Variants in AJUBA observed in about 807,000 individuals in gnomAD.
AJUBA encodes LIM domain-containing protein ajuba.
In AJUBA, 20 loss-of-function variants were observed where a neutral mutation model predicts 53.3. That is an observed-to-expected ratio of 0.38 (90% CI 0.26 to 0.55). AJUBA has a LOEUF of 0.55. AJUBA is among the 20% of genes least tolerant of loss of function. The pLI, the probability that AJUBA is intolerant of heterozygous loss-of-function variation, is 0.80. For missense variants in AJUBA, 580 were observed against 730.5 expected (o/e 0.79, Z 2.38); for synonymous variants, 296 against 306.2 (o/e 0.97, Z 0.35).
intron 6 of AJUBA, chr14:22,974,570 A>C (rs113530012): frequency 1.2e-5 from 6 of 489,960 alleles, no homozygotes; most frequent in African/African-American, 1.2e-4. Context: ...CTACATCTGC[A>C]GTCTGGTGAC....
rs1566656499 is a variant in AJUBA at position 22,978,419 on chromosome 14, T to C, written c.1033A>G (p.Ile345Val). The C allele has an allele frequency of 1.2e-6, 2 of 1,613,448 alleles. No homozygotes were observed. The highest frequency in any genetic ancestry group is 3.3e-4 in the Middle Eastern group (2 of 6,056). Residue 345 changes from isoleucine (I) to valine (V), a missense_variant, in exon 2 of 8, where the codon ATC becomes GTC. Physicochemically the swap from Ile to Val is conservative, Grantham distance 29. Around this residue, in one of 2 missense-constraint regions of AJUBA, gnomAD observed 150 missense variants for 259.0 expected, o/e 0.58. Coordinates refer to ENST00000262713, the MANE Select transcript of AJUBA (RefSeq NM_032876.6). ...FGTCIKCNKGIYGQSNACQAL... is the reference protein window; with the variant it reads ...FGTCIKCNKGVYGQSNACQAL... ...TGGCAGGCATTGCTCTGCCCATAGA[T>C]GCCTTTGTTGCACTTGATACAGGTG...
chr14:22,975,443 G>C (rs983357123), intron 4 of AJUBA: 2 of 232,372 alleles, frequency 8.6e-6, no homozygotes, highest in African/African-American at 4.5e-5. Flanking sequence ...TTGTTTTTTA[G>C]TTCTTCCCAG....
intron 3 of AJUBA, 49 bp downstream of exon 3, chr14:22,976,596 A>T (rs2045038949): frequency 1.9e-6 from 3 of 1,612,904 alleles, no homozygotes; most frequent in Non-Finnish European, 2.5e-6. Context: ...GCCACCAAGA[A>T]GGGGGTCAGT....
In AJUBA at chr14:22,981,562, C is replaced by T; in HGVS notation, c.705G>A (p.Leu235=). Residue 235 remains leucine, a synonymous_variant, in exon 1 of 8, where the codon CTG becomes CTA. Coordinates refer to ENST00000262713, the MANE Select transcript of AJUBA (RefSeq NM_032876.6). ...CCCCGGCTAGAGCTCCAGGGCTGCCCAGGGCCGGGGGATACGAGTGGCGGC... is the reference window on the plus strand; with the variant it reads ...CCCCGGCTAGAGCTCCAGGGCTGCCTAGGGCCGGGGGATACGAGTGGCGGC... The part of the protein sequence containing the change: ...QESRHSYPPA[L]GSPGALAGAG... 6.3e-7 allele frequency: 1 copy of T among 1,576,966 alleles called. No individual in the cohort carries two copies. The highest frequency in any genetic ancestry group is 8.6e-7 in the Non-Finnish European group (1 of 1,165,818).
At chr14:22,978,797 A>G in intron 1 of AJUBA, 1 of 1,208,430 alleles carries the variant, frequency 8.3e-7, no homozygotes, top group Non-Finnish European at 1.1e-6. Context: ...TCTCTGTTGC[A>G]GTGTGTAGGA....
At position 22,981,660 on chromosome 14, in the gene AJUBA, C is replaced by A; in HGVS notation, c.607G>T (p.Ala203Ser). Residue 203 changes from alanine to serine, a missense_variant, in exon 1 of 8, where the codon GCC becomes TCC. Around this residue, in one of 2 missense-constraint regions of AJUBA, gnomAD observed 430 missense variants for 471.5 expected, o/e 0.91. Transcript: ENST00000262713. Reference sequence around the variant, plus strand: ...AGGGCGGCGTGGAGCTCCGGGTAGGCGGACGGGACCCCTCCGGGAGAATAG... The same window carrying A: ...AGGGCGGCGTGGAGCTCCGGGTAGGAGGACGGGACCCCTCCGGGAGAATAG... ...AGYSPGGVPS[A>S]YPELHAALDR... 1 of 1,511,744 alleles carries A rather than the reference C, an allele frequency of 6.6e-7. No individual in the cohort carries two copies. The highest frequency in any genetic ancestry group is 2.4e-5 in the East Asian group (1 of 40,910). The allele number at this position is 1,511,744 out of a possible 1,614,324, so 93.6% of individuals were successfully genotyped here. A position where few individuals can be genotyped will look rare whatever the true frequency, so the allele number is the denominator to read the frequency against.
chr14:22,980,840 T>G (rs2045081787), intron 1 of AJUBA, among the ~76,000 whole-genome samples: 1 of 151,282 alleles, frequency 6.6e-6, no homozygotes, highest in Admixed American at 6.6e-5. Flanking sequence ...CACCCGCGCA[T>G]TCTCCGAATT....
Position 22,979,264 on chromosome 14 carries a change from A to G in AJUBA, c.1007-819T>C, listed in dbSNP as rs1279462172. ...TGTTCTTCCCTCCCTCCACTCCCCA[A>G]TTCCAGGCCCATGAGTGAGGGCTAG... is the stretch of plus-strand genomic sequence containing the variant. On this transcript the variant is annotated intron_variant, in intron 1 of 7. Transcript: ENST00000262713. The surrounding 1 kb of genome is among the most constrained non-coding windows in gnomAD (Gnocchi z 4.0). 7.6e-6 allele frequency: 4 copies of G among 522,896 alleles called. No individual in the cohort carries two copies. The highest frequency in any genetic ancestry group is 9.8e-6 in the Non-Finnish European group (4 of 407,626). 32.4% of individuals were successfully genotyped at this position (522,896 alleles called of 1,614,324 possible).
Position 22,974,047 on chromosome 14 carries a change from C to A in AJUBA, c.1491G>T (p.Glu497Asp). 6.2e-7 allele frequency: 1 copy of A among 1,614,162 alleles called. No homozygotes were observed. The highest frequency in any genetic ancestry group is 1.1e-5 in the South Asian group (1 of 91,082). The change falls in exon 7 of 8, where the codon GAG becomes GAT. Residue 497 changes from glutamate to aspartate, a missense_variant and splice_region_variant. By Grantham distance (45) the Glu-to-Asp change is conservative (BLOSUM62 2). Around this residue, in one of 2 missense-constraint regions of AJUBA, gnomAD observed 150 missense variants for 259.0 expected, o/e 0.58. Coordinates refer to ENST00000262713, the MANE Select transcript of AJUBA (RefSeq NM_032876.6). Reference protein sequence around the residue: ...RDYHFECYHCEDCRMQLSDEE... With the variant: ...RDYHFECYHCDDCRMQLSDEE... ...AGCACCGCTGAACCCCAACACTCAC[C>A]TCACAGTGGTAGCACTCAAAGTGAT...
At chr14:22,981,169 C>G (rs1447924767) in intron 1 of AJUBA, 92 bp downstream of exon 1, 2 of 1,471,212 alleles carry the variant, frequency 1.4e-6, no homozygotes, top group Non-Finnish European at 1.8e-6. Flanking sequence ...CACCTCGGAC[C>G]CCGGGGCACC....
At position 22,979,023 on chromosome 14, in the gene AJUBA, T is replaced by C. The variant is rs1378756784; in HGVS notation, c.1007-578A>G. The stretch of plus-strand genomic sequence containing the variant: ...AGAGGGCTCCGTGCAGAGGGGACCA[T>C]GTGAGCATGATTCCTGTGGGGAGGT... On this transcript the variant is annotated intron_variant, in intron 1 of 7. Coordinates refer to ENST00000262713, the MANE Select transcript of AJUBA (RefSeq NM_032876.6). The surrounding 1 kb of genome is among the most constrained non-coding windows in gnomAD (Gnocchi z 4.0). 2 of 1,288,972 alleles carry C rather than the reference T, an allele frequency of 1.6e-6. No individual in the cohort carries two copies. The highest frequency in any genetic ancestry group is 5.5e-5 in the East Asian group (1 of 18,026). 79.8% of individuals were successfully genotyped at this position (1,288,972 alleles called of 1,614,324 possible). A position where few individuals can be genotyped will look rare whatever the true frequency, so the allele number is the denominator to read the frequency against.
In AJUBA at chr14:22,982,239, G is replaced by A; in HGVS notation, c.28C>T (p.Arg10Cys). 1.2e-6 allele frequency: 2 copies of A among 1,613,896 alleles called. No homozygotes were observed. Among genetic ancestry groups the A allele is most frequent in the Non-Finnish European group, 1.7e-6 (2 of 1,179,904 alleles). The change falls in exon 1 of 8, where the codon CGC becomes TGC. Residue 10 changes from arginine to cysteine, a missense_variant. Arg to Cys is a radical substitution (Grantham distance 180). Around this residue, in one of 2 missense-constraint regions of AJUBA, gnomAD observed 430 missense variants for 471.5 expected, o/e 0.91. Transcript: ENST00000262713. MERLGEKAS[R>C]LLEKFGRRKG... The stretch of plus-strand genomic sequence containing the variant: ...CTGCGGCCGAACTTCTCCAGCAGGC[G>A]ACTGGCTTTCTCTCCTAACCGCTCC...
rs75208169 is a variant in AJUBA, at chr14:22,979,709, G to A, written c.1007-1264C>T. 7.4e-3 allele frequency among the ~76,000 whole-genome samples: 1,134 copies of A among 152,320 alleles called. 48 individuals are homozygous for A. The highest frequency in any genetic ancestry group is 0.036 in the East Asian group (187 of 5,188). On this transcript the variant is annotated intron_variant, in intron 1 of 7. Transcript: ENST00000262713. This position sits in a 1 kb window ranked among gnomAD's most constrained non-coding sequence, Gnocchi z 4.0. ...AGCCATTCTTTAGGAAACCTTGGAC[G>A]TTATGGGAAAAGCAAACGAAACTGC... is the stretch of plus-strand genomic sequence containing the variant.
Position 22,981,832 on chromosome 14 carries a change from G to A in AJUBA, c.435C>T (p.Asp145=). Residue 145 remains aspartate (D), a synonymous_variant, in exon 1 of 8, where the codon GAC becomes GAT. Coordinates refer to ENST00000262713, the MANE Select transcript of AJUBA (RefSeq NM_032876.6). ...PSSPRGSLLL[D]GAGAGGAGGS... ...CTCCAGCTCCGCCAGCCCCCGCCCC[G>A]TCCAGCAGCAGGCTGCCCCGGGGGC... 3 of 1,533,544 alleles carry A rather than the reference G, an allele frequency of 2.0e-6. No homozygotes were observed. Among genetic ancestry groups the A allele is most frequent in the Non-Finnish European group, 2.6e-6 (3 of 1,145,930 alleles). The allele number at this position is 1,533,544 out of a possible 1,614,324, so 95.0% of individuals were successfully genotyped here.
In AJUBA at chr14:22,981,339, C is replaced by G. The variant is rs117656327; in HGVS notation, c.928G>C (p.Glu310Gln). The G allele has an allele frequency of 0.022, 35,559 of 1,613,312 alleles. 458 individuals are homozygous for G. Among genetic ancestry groups the G allele is most frequent in the Non-Finnish European group, 0.025 (29,090 of 1,179,940 alleles). The part of the protein sequence containing the change: ...EPSGIEPSGL[E>Q]EPPGPFVPEA... ...GGAACGAAAGGACCTGGTGGCTCCT[C>G]CAGACCCGACGGCTCAATCCCCGAG... The change falls in exon 1 of 8, where the codon GAG becomes CAG. Residue 310 changes from glutamate to glutamine, a missense_variant. Glu to Gln is a conservative substitution (Grantham distance 29, BLOSUM62 2). Around this residue, in one of 2 missense-constraint regions of AJUBA, gnomAD observed 430 missense variants for 471.5 expected, o/e 0.91. Transcript: ENST00000262713.
In AJUBA at chr14:22,981,743, C is replaced by G. The variant is rs985458211; in HGVS notation, c.524G>C (p.Ser175Thr). 44 of 1,533,592 alleles carry G rather than the reference C, an allele frequency of 2.9e-5. No homozygotes were observed. The highest frequency in any genetic ancestry group is 3.5e-5 in the Non-Finnish European group (40 of 1,145,300). 95.0% of individuals were successfully genotyped at this position (1,533,592 alleles called of 1,614,324 possible). A position where few individuals can be genotyped will look rare whatever the true frequency, so the allele number is the denominator to read the frequency against. ...ISMGYDQRHG[S>T]PLPAGPCLFG... ...CAGGCACGGCCCCGCTGGCAAGGGG[C>G]TCCCGTGGCGCTGGTCGTAGCCCAT... The change falls in exon 1 of 8, where the codon AGC becomes ACC. Residue 175 changes from serine (S) to threonine (T), a missense_variant. By Grantham distance (58) the Ser-to-Thr change is moderately conservative (BLOSUM62 1). Around this residue, in one of 2 missense-constraint regions of AJUBA, gnomAD observed 430 missense variants for 471.5 expected, o/e 0.91. Coordinates refer to ENST00000262713, the MANE Select transcript of AJUBA (RefSeq NM_032876.6).
chr14:22,982,364 A>AGGGGCACAGGG lies in AJUBA; in HGVS notation c.-109_-99dup. 9 of 1,543,702 alleles carry AGGGGCACAGGG rather than the reference A, an allele frequency of 5.8e-6. No individual in the cohort carries two copies. The highest frequency in any genetic ancestry group is 6.9e-6 in the Non-Finnish European group (8 of 1,155,288). On this transcript the variant is annotated 5_prime_UTR_variant, in exon 1 of 8. Coordinates refer to ENST00000262713, the MANE Select transcript of AJUBA (RefSeq NM_032876.6). Reference sequence around the variant, plus strand: ...CCCTGCAGCCGGACTCTGGTTCCCCAGGGGCACAGGGGAGGCACAGGGGCT... The same window carrying AGGGGCACAGGG: ...CCCTGCAGCCGGACTCTGGTTCCCCAGGGGCACAGGGGGGGCACAGGGGAGGCACAGGGGCT...
At chr14:22,978,781 G>A (rs1258749792) in intron 1 of AJUBA, 1 of 1,203,668 alleles carries the variant, frequency 8.3e-7, no homozygotes, top group Non-Finnish European at 1.1e-6. Context: ...CACAGGCAAG[G>A]TATGATCTCT....
chr14:22,981,484 T>G lies in AJUBA; in HGVS notation c.783A>C (p.Arg261=). The G allele has an allele frequency of 6.2e-7, 1 of 1,600,120 alleles. No homozygotes were observed. Among genetic ancestry groups the G allele is most frequent in the South Asian group, 1.1e-5 (1 of 89,828 alleles). ...AGTCCCCGTAGCCGGTCACAGAGTG[T>G]CGTCCGGGTTGCGCCCCCCGTCTCT... is the stretch of plus-strand genomic sequence containing the variant. ...PLERRGAQPG[R]HSVTGYGDCA... The change falls in exon 1 of 8, where the codon CGA becomes CGC. Residue 261 remains arginine (R), a synonymous_variant. Transcript: ENST00000262713.
Sources: gnomAD v4.1 joint callset for allele counts (sites outside exome capture counted in the v4.1 genomes callset) on GRCh38, gnomAD v4.1.1 for gene constraint, gnomAD v4.1.1 regional missense constraint, Gnocchi (gnomAD v3.1) non-coding constraint, MANE v1.5 for transcripts, NCBI Gene and HGNC (gene_info 2026-07-23, HGNC 2026-07-21) for gene names.